DNAH11: variants seen among roughly 807,000 people sequenced by gnomAD.
DNAH11 encodes the protein axonemal beta dynein heavy chain 11.
A neutral mutation model predicts 526.0 loss-of-function variants in DNAH11; 442 were observed. The ratio of observed to expected loss-of-function variants is 0.84; its 90% CI spans 0.78 to 0.91. DNAH11 has a LOEUF of 0.91. Ranked by LOEUF, DNAH11 falls within the 40% of genes least tolerant of loss-of-function variation. The pLI is 0.00. For synonymous variants in DNAH11, 2,461 were observed against 1,935.9 expected (o/e 1.27, Z -7.12); for missense variants, 6,989 against 5,448.7 (o/e 1.28, Z -8.90).
chr7:21,719,919 C>G (rs1298960352), intron 43 of DNAH11, among the ~76,000 whole-genome samples: 5 of 152,176 alleles, frequency 3.3e-5, no homozygotes, highest in Non-Finnish European at 7.3e-5. Context: ...CTTTAGAGAG[C>G]TAGCCCCAGA....
At chr7:21,812,812 T>C (rs1789590068) in intron 63 of DNAH11, among the ~76,000 whole-genome samples, 1 of 152,194 alleles carries the variant, frequency 6.6e-6, no homozygotes, top group South Asian at 2.1e-4. Flanking sequence ...AATGCATTGA[T>C]GCCTGTTGAT....
chr7:21,654,452 A>G (rs972874792), intron 28 of DNAH11, among the ~76,000 whole-genome samples: 2 of 152,220 alleles, frequency 1.3e-5, no homozygotes, highest in African/African-American at 2.4e-5. Flanking sequence ...ATTCCGTTGT[A>G]TGGATATACC....
intron 6 of DNAH11, among the ~76,000 whole-genome samples, chr7:21,565,537 G>T (rs956279822): frequency 1.6e-4 from 25 of 152,326 alleles, no homozygotes; most frequent in Non-Finnish European, 2.8e-4. Flanking sequence ...AATTTTTGGA[G>T]TATGAGGTTG....
At chr7:21,590,773 A>G in intron 12 of DNAH11, 145 bp from the exon 13 acceptor site, 1 of 485,566 alleles carries the variant, frequency 2.1e-6, no homozygotes, top group Non-Finnish European at 3.4e-6. Flanking sequence ...GTTTTTAAAA[A>G]GTATATGAAA....
At chr7:21,836,080 A>G (rs929392717) in intron 65 of DNAH11, among the ~76,000 whole-genome samples, 4 of 152,140 alleles carry the variant, frequency 2.6e-5, no homozygotes, top group African/African-American at 7.2e-5. Flanking sequence ...ACTACAAAAC[A>G]TTGATGAAAT....
At chr7:21,743,408 A>C (rs1030832839) in intron 49 of DNAH11, among the ~76,000 whole-genome samples, 3 of 152,194 alleles carry the variant, frequency 2.0e-5, no homozygotes, top group African/African-American at 7.2e-5. Flanking sequence ...GGAAATTCTG[A>C]AGGGGAAATT....
rs1232597842 is a variant in DNAH11 at position 21,741,911 on chromosome 7, T to G, written c.7915-16T>G. ...AATTGTAATCCTTACACTCTTATAT[T>G]TGCTTTTCTTTTCAGAGACATTTCA... On this transcript the variant is annotated splice_polypyrimidine_tract_variant and intron_variant, in intron 48 of 81. Coordinates refer to ENST00000409508, the MANE Select transcript of DNAH11 (RefSeq NM_001277115.2). 1 of 1,612,808 alleles carries G rather than the reference T, an allele frequency of 6.2e-7. No homozygotes were observed. Among genetic ancestry groups the G allele is most frequent in the African/African-American group, 1.3e-5 (1 of 75,022 alleles).
At chr7:21,605,029 C>T (rs1009263947) in intron 18 of DNAH11, among the ~76,000 whole-genome samples, 1 of 152,208 alleles carries the variant, frequency 6.6e-6, no homozygotes, top group African/African-American at 2.4e-5. Flanking sequence ...AACACATAGA[C>T]CTCCTGATAG....
chr7:21,779,210 T>C (rs1302886901), intron 57 of DNAH11, 106 bp downstream of exon 57: 4 of 1,348,950 alleles, frequency 3.0e-6, no homozygotes, highest in Non-Finnish European at 3.9e-6. Flanking sequence ...GCATAAAGTC[T>C]AAAGAATTAT....
intron 56 of DNAH11, 102 bp downstream of exon 56, chr7:21,774,101 G>A (rs1583680737): frequency 9.0e-7 from 1 of 1,106,008 alleles, no homozygotes; most frequent in Non-Finnish European, 1.3e-6. Flanking sequence ...TAAGATGCCA[G>A]CTGGTGAAAT....
At chr7:21,747,486 T>C (rs1404403457) in intron 51 of DNAH11, among the ~76,000 whole-genome samples, 1 of 152,236 alleles carries the variant, frequency 6.6e-6, no homozygotes, top group Non-Finnish European at 1.5e-5. Context: ...TCTACATGCC[T>C]ATATTTTGTT....
At chr7:21,804,007 G>C (rs1258149517) in intron 62 of DNAH11, among the ~76,000 whole-genome samples, 1 of 152,250 alleles carries the variant, frequency 6.6e-6, no homozygotes, top group African/African-American at 2.4e-5. Context: ...TCAGATTCAG[G>C]GTTCTCTTAG....
chr7:21,759,127 G>C (rs77571488), intron 54 of DNAH11, among the ~76,000 whole-genome samples: 1 of 152,170 alleles, frequency 6.6e-6, no homozygotes, highest in Non-Finnish European at 1.5e-5. Flanking sequence ...CAGCTGAGAC[G>C]AGGGCTCTGC....
At chr7:21,677,988 TG>T (rs1251826886) in intron 30 of DNAH11, among the ~76,000 whole-genome samples, 1 of 152,110 alleles carries the variant, frequency 6.6e-6, no homozygotes, top group African/African-American at 2.4e-5. Context: ...TCAGATATAT[TG>T]TTTGTAAATA....
At chr7:21,818,535 ATT>A (rs1310330658) in intron 65 of DNAH11, among the ~76,000 whole-genome samples, 196 bp downstream of exon 65, 1 of 152,148 alleles carries the variant, frequency 6.6e-6, no homozygotes, top group African/African-American at 2.4e-5. Context: ...ATGGATTTAG[ATT>A]TGTTTTATCC....
chr7:21,825,339 A>C (rs1790236205), intron 65 of DNAH11, among the ~76,000 whole-genome samples: 1 of 152,218 alleles, frequency 6.6e-6, no homozygotes, highest in Non-Finnish European at 1.5e-5. Context: ...TCATGCATAC[A>C]ACTACAGGTA....
intron 60 of DNAH11, 149 bp from the exon 61 acceptor site, chr7:21,789,092 C>A (rs1386317837): frequency 3.3e-6 from 2 of 604,618 alleles, no homozygotes; most frequent in East Asian, 3.0e-5. Context: ...AGTTTAAGAC[C>A]AGTTTGAGCA....
intron 48 of DNAH11, among the ~76,000 whole-genome samples, chr7:21,739,961 A>G (rs1309073552): frequency 6.6e-6 from 1 of 152,152 alleles, no homozygotes; most frequent in Non-Finnish European, 1.5e-5. Context: ...AACATCTTGC[A>G]TTAGTTACAA....
Position 21,787,477 on chromosome 7 carries a change from A to G in DNAH11, c.9818A>G (p.Glu3273Gly). ...GAGAACTGTCTAAAAGTGGTGAATG[A>G]ACACTATTTGAAAGACCCAGAGTTT... ...IPENCLKVVN[E>G]HYLKDPEFNP... Residue 3273 changes from glutamate to glycine, a missense_variant, in exon 60 of 82, where the codon GAA becomes GGA. Transcript: ENST00000409508. 6.2e-7 allele frequency: 1 copy of G among 1,613,846 alleles called. No individual in the cohort carries two copies.
Sources: gnomAD v4.1 joint callset for allele counts (sites outside exome capture counted in the v4.1 genomes callset) on GRCh38, gnomAD v4.1.1 for gene constraint, MANE v1.5 for transcripts, NCBI Gene and HGNC (gene_info 2026-07-23, HGNC 2026-07-21) for gene names.